Variants in SOD2 observed in about 807,000 individuals in gnomAD.
SOD2 encodes the protein superoxide dismutase 2, also known as superoxide dismutase [Mn], mitochondrial.
Under a neutral mutation model 27.0 loss-of-function variants are expected in SOD2, and 11 were observed. That is an observed-to-expected ratio of 0.41 (90% CI 0.26 to 0.67). SOD2 has a LOEUF of 0.67. Ranked by LOEUF, SOD2 falls within the 30% of genes least tolerant of loss-of-function variation. The probability of loss-of-function intolerance (pLI) is 0.34; values close to 1 mark genes in which losing one functional copy is unlikely to be tolerated. For synonymous variants in SOD2, 105 were observed against 103.0 expected (o/e 1.02, Z -0.12); for missense variants, 250 against 274.5 (o/e 0.91, Z 0.63).
chr6:159,739,118 T>A, intron 1 of SOD2: 1 of 1,231,480 alleles, frequency 8.1e-7, no homozygotes, highest in East Asian at 2.4e-5. Context: ...TGTAATTGTC[T>A]TTGTGCCAGA....
rs1232549161 is a variant in SOD2, at chr6:159,693,197, C to T, written c.-30G>A. On this transcript the variant is annotated 5_prime_UTR_variant, in exon 1 of 5. Transcript: ENST00000538183. The stretch of plus-strand genomic sequence containing the variant: ...CTAGTGCTGGTGCTACCGCTGATGC[C>T]GCCGATCTGCTGAAGCCGCTGCCGA... 2 of 1,517,800 alleles carry T rather than the reference C, an allele frequency of 1.3e-6. No individual in the cohort carries two copies. The highest frequency in any genetic ancestry group is 2.9e-5 in the African/African-American group (2 of 69,910). 94.0% of individuals were successfully genotyped at this position (1,517,800 alleles called of 1,614,324 possible). A position where few individuals can be genotyped will look rare whatever the true frequency, so the allele number is the denominator to read the frequency against.
intron 1 of SOD2, among the ~76,000 whole-genome samples, chr6:159,740,543 T>C (rs1779189879): frequency 1.3e-5 from 2 of 152,172 alleles, no homozygotes; most frequent in East Asian, 1.9e-4. Context: ...TTTTATAGCC[T>C]CCACTGAAGA....
chr6:159,734,686 C>T (rs1329619573), intron 1 of SOD2, among the ~76,000 whole-genome samples: 1 of 152,114 alleles, frequency 6.6e-6, no homozygotes, highest in Non-Finnish European at 1.5e-5. Flanking sequence ...AGTATAAGAA[C>T]TAATTACTTA....
chr6:159,684,792 C>CT, intron 4 of SOD2, 62 bp downstream of exon 4: 1 of 1,307,280 alleles, frequency 7.6e-7, no homozygotes, highest in Non-Finnish European at 1.0e-6. Context: ...TTCCTTATTT[C>CT]TAGTTGAATG....
intron 2 of SOD2, chr6:159,692,377 G>T: frequency 7.6e-7 from 1 of 1,320,862 alleles, no homozygotes; most frequent in South Asian, 2.3e-5. Flanking sequence ...CACCAGTGCT[G>T]GCAATATGTG....
upstream of SOD2, among the ~76,000 whole-genome samples, chr6:159,730,416 T>A (rs994775132): frequency 9.2e-5 from 14 of 152,174 alleles, no homozygotes; most frequent in Non-Finnish European, 1.8e-4. Flanking sequence ...TGACTTTAAA[T>A]TTAGGTTATT....
chr6:159,708,524 T>C (rs1387077372), intron 1 of SOD2, among the ~76,000 whole-genome samples: 1 of 152,190 alleles, frequency 6.6e-6, no homozygotes, highest in Non-Finnish European at 1.5e-5. Context: ...TCACAATTGC[T>C]TCAAAGAGAA....
At chr6:159,727,435 C>T (rs1193297820), upstream of SOD2, 18 of 1,031,308 alleles carry the variant, frequency 1.7e-5, no homozygotes, top group Admixed American at 2.8e-4. Flanking sequence ...GCGTTCGGAC[C>T]GGCTGTGGGG....
intron 1 of SOD2, among the ~76,000 whole-genome samples, chr6:159,720,010 C>T (rs924679964): frequency 2.0e-5 from 3 of 150,638 alleles, no homozygotes; most frequent in Non-Finnish European, 4.4e-5. Context: ...AGGCATGAGA[C>T]ACCATGCCCA....
rs1405009060 is a variant in SOD2, at chr6:159,692,754, G to A, written c.133C>T (p.Gln45Ter). ...TTGCTGTGGTGCAGCTGCATGATCT[G>A]CGCGTTGATGTGAGGTTCCAGGGCG... ...YGALEPHINA[Q>*]IMQLHHSKHH... The change falls in exon 2 of 5, where the codon CAG (glutamine) becomes TAG (stop). Residue 45 changes from glutamine (Q) to a stop codon, truncating the protein, a stop_gained. Coordinates refer to ENST00000538183, the MANE Select transcript of SOD2 (RefSeq NM_000636.4). LOFTEE classifies it high-confidence loss of function. The A allele has an allele frequency of 6.2e-7, 1 of 1,614,140 alleles. No individual in the cohort carries two copies. Among genetic ancestry groups the A allele is most frequent in the Non-Finnish European group, 8.5e-7 (1 of 1,180,030 alleles).
exon 1 of SOD2, chr6:159,727,299 A>G: frequency 7.8e-7 from 1 of 1,279,678 alleles, no homozygotes; most frequent in South Asian, 1.2e-5. Flanking sequence ...GCGGCGGGCG[A>G]GTGACTGCGG....
upstream of SOD2, chr6:159,727,573 C>G: frequency 3.0e-6 from 3 of 987,432 alleles, no homozygotes; most frequent in Non-Finnish European, 3.6e-6. Flanking sequence ...TGCGGCGGGA[C>G]TAGGAGCGCG....
chr6:159,712,351 C>G (rs1332804024), intron 1 of SOD2, among the ~76,000 whole-genome samples: 30 of 136,864 alleles, frequency 2.2e-4, no homozygotes, highest in East Asian at 6.6e-4. Context: ...CCTCCATAAC[C>G]ACCACTCAGC....
upstream of SOD2, among the ~76,000 whole-genome samples, chr6:159,728,043 C>T (rs1357822782): frequency 6.6e-6 from 1 of 152,210 alleles, no homozygotes; most frequent in Admixed American, 6.5e-5. Context: ...GCCCCCTTCA[C>T]CTCCCTTGGG....
intron 2 of SOD2, among the ~76,000 whole-genome samples, chr6:159,690,148 G>C (rs1030198438): frequency 3.3e-5 from 5 of 150,198 alleles, no homozygotes; most frequent in African/African-American, 1.2e-4. Flanking sequence ...GTAGCCAGGC[G>C]TGGTGGCGTA....
intron 1 of SOD2, chr6:159,712,925 G>A (rs752779): frequency 0.78 from 497,509 of 637,140 alleles, 196,089 homozygotes; most frequent in Admixed American, 0.85. Flanking sequence ...ATTTAAAAAG[G>A]TCTCCCTGTA....
intron 2 of SOD2, among the ~76,000 whole-genome samples, chr6:159,689,136 G>A (rs867288197): frequency 2.6e-5 from 4 of 152,194 alleles, no homozygotes; most frequent in Admixed American, 2.6e-4. Context: ...CATTGAGCAC[G>A]TGCTCACGCA....
chr6:159,704,367 C>T (rs1009482977), intron 1 of SOD2, among the ~76,000 whole-genome samples: 1 of 152,240 alleles, frequency 6.6e-6, no homozygotes, highest in African/African-American at 2.4e-5. Context: ...AGGGAATTCA[C>T]TTTCATAGCC....
intron 1 of SOD2, among the ~76,000 whole-genome samples, chr6:159,715,866 C>T (rs1777913991): frequency 6.6e-6 from 1 of 150,560 alleles, no homozygotes; most frequent in Non-Finnish European, 1.5e-5. Flanking sequence ...CACCACTGGT[C>T]TCCAGCCTGG....
Sources: allele counts gnomAD v4.1 joint callset (sites outside exome capture counted in the v4.1 genomes callset), GRCh38; gene constraint gnomAD v4.1.1; transcripts MANE v1.5; gene names NCBI Gene and HGNC (gene_info 2026-07-23, HGNC 2026-07-21).